Variants in KCNJ6 observed in about 807,000 individuals in gnomAD.
KCNJ6 encodes the protein G protein-activated inward rectifier potassium channel 2.
Under a neutral mutation model 34.2 loss-of-function variants are expected in KCNJ6, and 9 were observed. The observed-to-expected ratio is 0.26, with a 90% CI of 0.16 to 0.46. The LOEUF (loss-of-function observed/expected upper bound fraction) is 0.46, where lower values mean the gene tolerates loss of function less well. Ranked by LOEUF, KCNJ6 falls within the 20% of genes least tolerant of loss-of-function variation. The pLI is 1.00. For missense variants in KCNJ6, 236 were observed against 531.3 expected, an observed-to-expected ratio of 0.44 and a Z score of 5.46; for synonymous variants, 196 against 207.1, an observed-to-expected ratio of 0.95 and a Z score of 0.46.
At chr21:37,846,908 G>A (rs2055511604) in intron 1 of KCNJ6, among the ~76,000 whole-genome samples, 1 of 152,042 alleles carries the variant, frequency 6.6e-6, no homozygotes, top group Non-Finnish European at 1.5e-5. Flanking sequence ...TCCCTGACAC[G>A]GTGCCATGGC....
At chr21:37,753,985 T>C (rs1290079426) in intron 2 of KCNJ6, among the ~76,000 whole-genome samples, 1 of 152,218 alleles carries the variant, frequency 6.6e-6, no homozygotes, top group Non-Finnish European at 1.5e-5. Flanking sequence ...CGGGGTGCCT[T>C]CCTTGTGGGG....
intron 2 of KCNJ6, among the ~76,000 whole-genome samples, chr21:37,804,416 T>G (rs1251948486): frequency 1.3e-5 from 2 of 152,212 alleles, no homozygotes; most frequent in Non-Finnish European, 2.9e-5. Flanking sequence ...CTTTTTTAAT[T>G]TTTATTTTAT....
intron 2 of KCNJ6, among the ~76,000 whole-genome samples, chr21:37,741,056 G>A (rs966303316): frequency 1.3e-5 from 2 of 152,092 alleles, no homozygotes; most frequent in Admixed American, 6.5e-5. Flanking sequence ...TGGATGAAGC[G>A]CTCCCTATAT....
intron 2 of KCNJ6, among the ~76,000 whole-genome samples, chr21:37,734,240 G>T (rs1016496868): frequency 6.6e-5 from 10 of 152,104 alleles, no homozygotes; most frequent in African/African-American, 2.2e-4. Flanking sequence ...AAACCAGCTG[G>T]TTTTTTTCCT....
At chr21:37,796,826 G>A (rs1462789825) in intron 2 of KCNJ6, among the ~76,000 whole-genome samples, 36 of 112,508 alleles carry the variant, frequency 3.2e-4, no homozygotes, top group East Asian at 8.2e-4. Context: ...TTGCTCTGTC[G>A]CCCAGGCCGG....
intron 3 of KCNJ6, among the ~76,000 whole-genome samples, chr21:37,637,559 A>C (rs567318416): frequency 2.0e-5 from 3 of 152,202 alleles, no homozygotes; most frequent in Non-Finnish European, 4.4e-5. Context: ...TGAGCCAACC[A>C]TCTGGTCCCT....
intron 2 of KCNJ6, among the ~76,000 whole-genome samples, chr21:37,783,120 AT>A (rs567183379): frequency 1.7e-4 from 26 of 152,192 alleles, no homozygotes; most frequent in Non-Finnish European, 2.8e-4. Context: ...ACAGGAGTCA[AT>A]GCCATGACCA....
rs527564166 is a variant in KCNJ6 at position 37,915,120 on chromosome 21, T to C, written c.-28+764A>G. Among the ~76,000 whole-genome samples, 136 of 152,324 alleles carry C rather than the reference T, an allele frequency of 8.9e-4. 1 individual carries two copies. The highest frequency in any genetic ancestry group is 1.6e-3 in the Non-Finnish European group (112 of 68,040). ...GGCTTTTATTGGGTTTTGGGAATAC[T>C]GATGTTATTTCACTTAAAAACTAAT... On this transcript the variant is annotated intron_variant, in intron 1 of 3. Transcript: ENST00000609713.
intron 3 of KCNJ6, among the ~76,000 whole-genome samples, chr21:37,676,688 C>T (rs144055178): frequency 2.4e-4 from 36 of 152,326 alleles, no homozygotes; most frequent in African/African-American, 7.0e-4. Flanking sequence ...TTGTGTTGGC[C>T]CAAGTGGGGA....
intron 3 of KCNJ6, among the ~76,000 whole-genome samples, chr21:37,644,878 A>G (rs1474825821): frequency 1.3e-5 from 2 of 152,130 alleles, no homozygotes; most frequent in Admixed American, 1.3e-4. Flanking sequence ...CTGGCGAAAC[A>G]ATAGCCGGAC....
intron 1 of KCNJ6, among the ~76,000 whole-genome samples, chr21:37,895,282 C>A (rs995343406): frequency 3.3e-5 from 5 of 152,190 alleles, no homozygotes; most frequent in Non-Finnish European, 7.3e-5. Flanking sequence ...CCTTATCTTG[C>A]CAACTTTAGC....
intron 2 of KCNJ6, among the ~76,000 whole-genome samples, chr21:37,749,973 G>A (rs936008884): frequency 5.3e-5 from 8 of 152,294 alleles, no homozygotes; most frequent in African/African-American, 1.4e-4. Flanking sequence ...AGAGGTCAGA[G>A]CTGGGCTAAA....
intron 3 of KCNJ6, among the ~76,000 whole-genome samples, chr21:37,689,326 G>T (rs903207811): frequency 6.0e-3 from 1 of 166 alleles, no homozygotes; most frequent in African/African-American, 0.024. Flanking sequence ...TAAAAAGTCT[G>T]ATGGAATGGA....
chr21:37,904,139 A>G (rs2055830293), intron 1 of KCNJ6, among the ~76,000 whole-genome samples: 1 of 152,216 alleles, frequency 6.6e-6, no homozygotes, highest in Non-Finnish European at 1.5e-5. Flanking sequence ...TCTAAAGTCC[A>G]GGTTTCACAC....
intron 3 of KCNJ6, among the ~76,000 whole-genome samples, chr21:37,645,842 A>C (rs2835858): frequency 0.16 from 24,108 of 152,082 alleles, 3,172 homozygotes; most frequent in African/African-American, 0.36. Flanking sequence ...GAGCTGTCTC[A>C]AGAGGTCCAG....
chr21:37,750,221 A>C (rs927414166), intron 2 of KCNJ6, among the ~76,000 whole-genome samples: 2 of 152,216 alleles, frequency 1.3e-5, no homozygotes, highest in African/African-American at 4.8e-5. Flanking sequence ...TTAAAAAGTC[A>C]GGAAACAACG....
At chr21:37,784,991 C>T (rs1048103063) in intron 2 of KCNJ6, among the ~76,000 whole-genome samples, 5 of 152,182 alleles carry the variant, frequency 3.3e-5, no homozygotes, top group African/African-American at 9.7e-5. Flanking sequence ...CTAAGAGCCC[C>T]CAGACTCGTG....
chr21:37,825,913 A>G (rs115209037), intron 2 of KCNJ6, among the ~76,000 whole-genome samples: 1,979 of 152,298 alleles, frequency 0.013, 42 homozygotes, highest in African/African-American at 0.045. Flanking sequence ...AACTGCCCCC[A>G]TGATTCAATT....
intron 2 of KCNJ6, among the ~76,000 whole-genome samples, chr21:37,747,040 G>A (rs1227160884): frequency 6.6e-6 from 1 of 152,152 alleles, no homozygotes; most frequent in Non-Finnish European, 1.5e-5. Flanking sequence ...AGAGCACTGT[G>A]TGAGCCCTGC....
Sources: gnomAD v4.1 joint callset for allele counts (sites outside exome capture counted in the v4.1 genomes callset) on GRCh38, gnomAD v4.1.1 for gene constraint, MANE v1.5 for transcripts, NCBI Gene and HGNC (gene_info 2026-07-23, HGNC 2026-07-21) for gene names.